COL6A6: variants seen among roughly 807,000 people sequenced by gnomAD.
COL6A6 encodes collagen alpha-6(VI) chain.
In COL6A6, 183 loss-of-function variants were observed where a neutral mutation model predicts 208.6. The ratio of observed to expected loss-of-function variants is 0.88; its 90% CI spans 0.78 to 0.99. The LOEUF is 0.99. Among genes scored for constraint, COL6A6 ranks in the 50% least tolerant of loss-of-function variants. The pLI is 0.00. For synonymous variants in COL6A6, 973 were observed against 1,011.8 expected (o/e 0.96, Z 0.73); for missense variants, 2,816 against 2,815.2 (o/e 1.00, Z -0.01).
At chr3:130,658,795 A>G in intron 34 of COL6A6, 23 bp downstream of exon 34, 1 of 1,568,486 alleles carries the variant, frequency 6.4e-7, no homozygotes. Flanking sequence ...GAGAGAAGGT[A>G]ATTTGGTCAG....
At position 130,626,521 on chromosome 3, in the gene COL6A6, G is replaced by A. The variant is rs1173948634; in HGVS notation, c.4915G>A (p.Gly1639Ser). Residue 1639 changes from glycine to serine, a missense_variant, in exon 25 of 37, where the codon GGC becomes AGC. Coordinates refer to ENST00000358511, the MANE Select transcript of COL6A6 (RefSeq NM_001102608.3). The part of the protein sequence containing the change: ...PGDLGEKGAV[G>S]FPGPRGLQGN... The stretch of plus-strand genomic sequence containing the variant: ...AGATCTGGGAGAAAAAGGAGCTGTT[G>A]GCTTTCCTGGTCCTCGTGGCTTGCA... 1 of 1,613,294 alleles carries A rather than the reference G, an allele frequency of 6.2e-7. No homozygotes were observed. The highest frequency in any genetic ancestry group is 1.3e-5 in the African/African-American group (1 of 74,912).
At position 130,675,735 on chromosome 3, in the gene COL6A6, C is replaced by T. The variant is rs2066343863; in HGVS notation, c.*338C>T. 5.7e-6 allele frequency: 1 copy of T among 175,098 alleles called. No homozygotes were observed. The highest frequency in any genetic ancestry group is 6.2e-5 in the Admixed American group (1 of 16,084). 10.8% of individuals were successfully genotyped at this position (175,098 alleles called of 1,614,324 possible). A position where few individuals can be genotyped will look rare whatever the true frequency, so the allele number is the denominator to read the frequency against. On this transcript the variant is annotated 3_prime_UTR_variant, in exon 37 of 37. Transcript: ENST00000358511. Reference sequence around the variant, plus strand: ...CAATGTTAATTCTTTTATCTCTGTCCAGTTCATTTTCTGCAAACCCATCCT... The same window carrying T: ...CAATGTTAATTCTTTTATCTCTGTCTAGTTCATTTTCTGCAAACCCATCCT...
chr3:130,600,289 T>C (rs2063974669), intron 20 of COL6A6, among the ~76,000 whole-genome samples: 9 of 152,188 alleles, frequency 5.9e-5, no homozygotes, highest in Admixed American at 5.9e-4. Flanking sequence ...AGTTCAACCA[T>C]TGTGGAAGAC....
At chr3:130,636,108 C>G (rs748234053) in intron 28 of COL6A6, among the ~76,000 whole-genome samples, 10 of 152,246 alleles carry the variant, frequency 6.6e-5, no homozygotes, top group Admixed American at 1.3e-4. Flanking sequence ...AGGTTTACTG[C>G]AACCTAATGC....
At chr3:130,561,408 T>C (rs562779058) in intron 2 of COL6A6, among the ~76,000 whole-genome samples, 2 of 152,290 alleles carry the variant, frequency 1.3e-5, no homozygotes, top group Non-Finnish European at 2.9e-5. Flanking sequence ...GTGGTTAGAT[T>C]TGGGTTATTT....
intron 10 of COL6A6, among the ~76,000 whole-genome samples, chr3:130,583,391 G>C (rs2063467616): frequency 2.0e-5 from 3 of 152,056 alleles, no homozygotes; most frequent in Admixed American, 2.0e-4. Context: ...GGTGGTTGCT[G>C]TTATTTTGTT....
At chr3:130,634,238 T>TAAAAAAAAAAAAAAAAAAAA (rs1553713527) in intron 26 of COL6A6, among the ~76,000 whole-genome samples, 1 of 16,208 alleles carries the variant, frequency 6.2e-5, no homozygotes, top group East Asian at 1.0e-3. Context: ...AATAAATAAA[T>TAAAAAAAAAAAAAAAAAAAA]AAATAAAAAA....
Position 130,649,577 on chromosome 3 carries a change from C to A in COL6A6, c.5733+15C>A. ...GCGCATTTGCGGTATGAGGATGAAA[C>A]CTTTCACATGACAATTCTTACTTAT... On this transcript the variant is annotated intron_variant, in intron 33 of 36. Coordinates refer to ENST00000358511, the MANE Select transcript of COL6A6 (RefSeq NM_001102608.3). 6.5e-7 allele frequency: 1 copy of A among 1,550,274 alleles called. No individual in the cohort carries two copies. The highest frequency in any genetic ancestry group is 8.7e-7 in the Non-Finnish European group (1 of 1,148,166).
At position 130,563,197 on chromosome 3, in the gene COL6A6, G is replaced by A. The variant is rs762739997; in HGVS notation, c.194G>A (p.Arg65His). 1.3e-5 allele frequency: 21 copies of A among 1,613,842 alleles called. No homozygotes were observed. The highest frequency in any genetic ancestry group is 4.4e-5 in the South Asian group (4 of 91,080). Residue 65 changes from arginine (R) to histidine (H), a missense_variant, in exon 3 of 37, where the codon CGT becomes CAT. Physicochemically the swap from Arg to His is conservative, Grantham distance 29. Coordinates refer to ENST00000358511, the MANE Select transcript of COL6A6 (RefSeq NM_001102608.3). ...CTCCCCATAGAGGCCGACAAATACC[G>A]TGTGGCCCTGGCCCAGTACAGTGAT... ...SSLPIEADKY[R>H]VALAQYSDKL...
chr3:130,645,317 T>A (rs1347774701), intron 32 of COL6A6, among the ~76,000 whole-genome samples: 1 of 152,238 alleles, frequency 6.6e-6, no homozygotes, highest in Admixed American at 6.5e-5. Context: ...GGGTTTTTTT[T>A]AGACATGCTC....
intron 2 of COL6A6, among the ~76,000 whole-genome samples, chr3:130,562,127 G>A (rs1004584828): frequency 5.3e-5 from 8 of 152,112 alleles, no homozygotes; most frequent in Non-Finnish European, 1.0e-4. Flanking sequence ...GACAAGAAAT[G>A]GATCTTATGC....
chr3:130,549,117 C>G lies in COL6A6; in HGVS notation c.-31-11217C>G, dbSNP rs370583281. Among the ~76,000 whole-genome samples the G allele has an allele frequency of 7.2e-5, 11 of 152,242 alleles. No homozygotes were observed. The East Asian group carries it at 1.2e-3, about 16-fold the overall frequency. On this transcript the variant is annotated intron_variant, in intron 1 of 36. Coordinates refer to ENST00000358511, the MANE Select transcript of COL6A6 (RefSeq NM_001102608.3). ...AATGCTATAAAAAGGATATTATGCTCTATGTAGTTTTCTGGGATTCATGTT... is the reference window on the plus strand; with the variant it reads ...AATGCTATAAAAAGGATATTATGCTGTATGTAGTTTTCTGGGATTCATGTT...
intron 7 of COL6A6, 34 bp from the exon 8 acceptor site, chr3:130,573,922 C>G: frequency 7.0e-7 from 1 of 1,428,432 alleles, no homozygotes; most frequent in Non-Finnish European, 9.8e-7. Context: ...GAATAACAAT[C>G]TGGGTTTTCT....
At position 130,599,755 on chromosome 3, in the gene COL6A6, A is replaced by G. The variant is rs780012665; in HGVS notation, c.4600-2A>G. 1.2e-6 allele frequency: 2 copies of G among 1,613,710 alleles called. No individual in the cohort carries two copies. The highest frequency in any genetic ancestry group is 1.7e-6 in the Non-Finnish European group (2 of 1,179,692). ...TCACACATCTGTCTGTTCCTTTGAC[A>G]GGGCAGAAGAGGCTGGCCAGGCCCC... On this transcript the variant is annotated splice_acceptor_variant, in intron 19 of 36. Coordinates refer to ENST00000358511, the MANE Select transcript of COL6A6 (RefSeq NM_001102608.3). LOFTEE classifies it high-confidence loss of function.
intron 8 of COL6A6, among the ~76,000 whole-genome samples, chr3:130,576,475 C>T (rs1377033327): frequency 6.6e-6 from 1 of 152,178 alleles, no homozygotes; most frequent in Non-Finnish European, 1.5e-5. Flanking sequence ...TATCTGATTA[C>T]CTCGGCCAAA....
intron 24 of COL6A6, among the ~76,000 whole-genome samples, chr3:130,625,226 A>G (rs1413193609): frequency 1.3e-5 from 2 of 152,008 alleles, no homozygotes; most frequent in African/African-American, 4.8e-5. Flanking sequence ...CTTATATAGA[A>G]TCCTATTCTT....
At chr3:130,610,169 A>G (rs961491564) in intron 22 of COL6A6, among the ~76,000 whole-genome samples, 9 of 152,230 alleles carry the variant, frequency 5.9e-5, no homozygotes, top group Non-Finnish European at 1.3e-4. Flanking sequence ...TCTGCATAAC[A>G]TATGAAAGCC....
At chr3:130,579,677 T>C (rs975647413) in intron 8 of COL6A6, among the ~76,000 whole-genome samples, 1 of 152,212 alleles carries the variant, frequency 6.6e-6, no homozygotes, top group Non-Finnish European at 1.5e-5. Flanking sequence ...TTCAGCTTTC[T>C]CCCTAGCTCA....
At chr3:130,611,574 A>G (rs1238858050) in intron 23 of COL6A6, among the ~76,000 whole-genome samples, 3 of 152,222 alleles carry the variant, frequency 2.0e-5, no homozygotes, top group Admixed American at 2.0e-4. Context: ...CTCAACACAT[A>G]TTTGAATAAT....
Sources: gnomAD v4.1 joint callset for allele counts (sites outside exome capture counted in the v4.1 genomes callset) on GRCh38, gnomAD v4.1.1 for gene constraint, MANE v1.5 for transcripts, NCBI Gene and HGNC (gene_info 2026-07-23, HGNC 2026-07-21) for gene names.